Variants in CDH12 observed in about 807,000 individuals in gnomAD.
The protein encoded by CDH12 is cadherin 12, also known as cadherin-12.
Under a neutral mutation model 74.1 loss-of-function variants are expected in CDH12, and 41 were observed. The ratio of observed to expected loss-of-function variants is 0.55; its 90% CI spans 0.43 to 0.72. The LOEUF is 0.72. Ranked by LOEUF, CDH12 falls within the 30% of genes least tolerant of loss-of-function variation. CDH12 has a pLI of 0.00. For synonymous variants in CDH12, 399 were observed against 355.0 expected (o/e 1.12, Z -1.39); for missense variants, 945 against 977.2 (o/e 0.97, Z 0.44).
chr5:22,004,385 C>T (rs1736810836), intron 5 of CDH12, among the ~76,000 whole-genome samples: 2 of 152,152 alleles, frequency 1.3e-5, no homozygotes, highest in East Asian at 1.9e-4. Context: ...GTTCATATTT[C>T]ACTCAGTCAA....
At chr5:22,075,907 C>A (rs1742284590) in intron 5 of CDH12, among the ~76,000 whole-genome samples, 1 of 151,984 alleles carries the variant, frequency 6.6e-6, no homozygotes, top group Admixed American at 6.6e-5. Flanking sequence ...ATCTCAAAGT[C>A]TTTCTGGAAT....
At chr5:22,630,637 CAGCTCAAGACAGGTTAAA>C (rs1738536569) in intron 1 of CDH12, among the ~76,000 whole-genome samples, 1 of 152,046 alleles carries the variant, frequency 6.6e-6, no homozygotes, top group East Asian at 1.9e-4. Context: ...ATACAAAAAT[CAGCTCAAGACAGGTTAAA>C]AAACTTAAAA....
intron 1 of CDH12, among the ~76,000 whole-genome samples, chr5:22,612,858 T>C (rs896589745): frequency 5.3e-5 from 8 of 152,102 alleles, no homozygotes; most frequent in African/African-American, 1.9e-4. Flanking sequence ...CCTAACATAG[T>C]TCCTAAAGAT....
chr5:22,352,473 A>G (rs1740395215), intron 3 of CDH12, among the ~76,000 whole-genome samples: 1 of 152,206 alleles, frequency 6.6e-6, no homozygotes, highest in Admixed American at 6.5e-5. Context: ...AATTACAAAG[A>G]AAAGAAAAAG....
chr5:22,634,241 A>G (rs1001988341), intron 1 of CDH12, among the ~76,000 whole-genome samples: 3 of 152,156 alleles, frequency 2.0e-5, no homozygotes, highest in Non-Finnish European at 4.4e-5. Flanking sequence ...AAGTAATTAC[A>G]TTATATGTTA....
At chr5:22,802,328 G>GA (rs1359452151) in intron 1 of CDH12, among the ~76,000 whole-genome samples, 2 of 151,790 alleles carry the variant, frequency 1.3e-5, no homozygotes, top group African/African-American at 4.8e-5. Flanking sequence ...CACCATGTTA[G>GA]CCAGGATGGT....
intron 3 of CDH12, among the ~76,000 whole-genome samples, chr5:22,385,236 C>CT (rs1239273756): frequency 6.6e-6 from 1 of 152,036 alleles, no homozygotes; most frequent in African/African-American, 2.4e-5. Flanking sequence ...TTTTAAATGC[C>CT]TTTTTTTATT....
intron 1 of CDH12, among the ~76,000 whole-genome samples, chr5:22,816,765 C>A (rs138722508): frequency 1.5e-4 from 23 of 152,250 alleles, no homozygotes; most frequent in African/African-American, 5.5e-4. Context: ...ATCTAACCCA[C>A]ACTTTAAGTC....
chr5:21,866,069 C>A (rs2150013014), intron 6 of CDH12, among the ~76,000 whole-genome samples: 1 of 152,318 alleles, frequency 6.6e-6, no homozygotes, highest in Non-Finnish European at 1.5e-5. Flanking sequence ...TCACTCTTGT[C>A]TTGTCTGCCA....
intron 3 of CDH12, among the ~76,000 whole-genome samples, chr5:22,298,941 A>T (rs1232322630): frequency 2.0e-5 from 3 of 152,174 alleles, no homozygotes; most frequent in Non-Finnish European, 4.4e-5. Flanking sequence ...TTCATCATTC[A>T]TCCATGAATT....
At chr5:22,804,132 T>C (rs1748666076) in intron 1 of CDH12, among the ~76,000 whole-genome samples, 1 of 152,174 alleles carries the variant, frequency 6.6e-6, no homozygotes, top group South Asian at 2.1e-4. Flanking sequence ...ATTTCAAGTT[T>C]TTTTTTACAT....
rs1029658670 is a variant in CDH12 at position 22,355,529 on chromosome 5, T to A, written c.-333+49728A>T. On this transcript the variant is annotated intron_variant, in intron 3 of 14. Coordinates refer to ENST00000382254, the MANE Select transcript of CDH12 (RefSeq NM_004061.5). ...TATATTTCCTTAAAAAAAAAATATA[T>A]ATATATATATATAAAACTATCTTAC... 9.7e-3 allele frequency among the ~76,000 whole-genome samples: 1,447 copies of A among 148,438 alleles called. 27 individuals carry two copies. The highest frequency in any genetic ancestry group is 0.034 in the African/African-American group (1,364 of 40,392).
Position 22,291,990 on chromosome 5 carries a change from A to C in CDH12, c.-332-79347T>G, listed in dbSNP as rs186736566. Among the ~76,000 whole-genome samples the C allele has an allele frequency of 1.6e-3, 239 of 152,316 alleles. 4 individuals carry two copies. The highest frequency in any genetic ancestry group is 5.6e-3 in the African/African-American group (234 of 41,582). On this transcript the variant is annotated intron_variant, in intron 3 of 14. Transcript: ENST00000382254. ...ACTGTTGTAAACAAAACAGCATGGT[A>C]CTGGCATAAAAAGAGACTCAAAAAC...
intron 6 of CDH12, among the ~76,000 whole-genome samples, chr5:21,886,272 T>C (rs138765732): frequency 4.0e-4 from 60 of 151,832 alleles, no homozygotes; most frequent in African/African-American, 1.4e-3. Flanking sequence ...TTCTAATAGC[T>C]AAAATGAAGT....
intron 1 of CDH12, among the ~76,000 whole-genome samples, chr5:22,649,909 A>G (rs959925170): frequency 5.3e-5 from 8 of 151,968 alleles, no homozygotes; most frequent in Non-Finnish European, 1.0e-4. Flanking sequence ...ATATATATAT[A>G]AAATTATAGA....
At chr5:21,775,092 C>T (rs949017625) in intron 11 of CDH12, among the ~76,000 whole-genome samples, 2 of 152,114 alleles carry the variant, frequency 1.3e-5, no homozygotes, top group Non-Finnish European at 2.9e-5. Flanking sequence ...CTGTGATTCA[C>T]ATTGAGGAAG....
At chr5:21,760,156 C>A (rs1282855515) in intron 13 of CDH12, among the ~76,000 whole-genome samples, 1 of 151,964 alleles carries the variant, frequency 6.6e-6, no homozygotes, top group African/African-American at 2.4e-5. Context: ...CATTTGTGTG[C>A]ACGTGTCTTT....
chr5:22,026,267 T>A (rs1738346421), intron 5 of CDH12, among the ~76,000 whole-genome samples: 2 of 152,194 alleles, frequency 1.3e-5, no homozygotes, highest in South Asian at 4.2e-4. Context: ...TGATCCCTAG[T>A]GGAAAGGAAC....
intron 3 of CDH12, among the ~76,000 whole-genome samples, chr5:22,247,976 C>A (rs1753012583): frequency 1.3e-5 from 2 of 152,078 alleles, no homozygotes; most frequent in African/African-American, 4.8e-5. Flanking sequence ...AGGATCCTAC[C>A]TTTTGTAAGG....
Sources: gnomAD v4.1 joint callset for allele counts (sites outside exome capture counted in the v4.1 genomes callset) on GRCh38, gnomAD v4.1.1 for gene constraint, MANE v1.5 for transcripts, NCBI Gene and HGNC (gene_info 2026-07-23, HGNC 2026-07-21) for gene names.